PCNX2: variants seen among roughly 807,000 people sequenced by gnomAD.
PCNX2 encodes the protein pecanex 2.
In PCNX2, 168 loss-of-function variants were observed where a neutral mutation model predicts 223.8. The ratio of observed to expected loss-of-function variants is 0.75; its 90% CI spans 0.66 to 0.85. PCNX2 has a LOEUF of 0.85. Ranked by LOEUF, PCNX2 falls within the 40% of genes least tolerant of loss-of-function variation. The probability of loss-of-function intolerance (pLI) is 0.00; values close to 1 mark genes in which losing one functional copy is unlikely to be tolerated. For synonymous variants in PCNX2, 1,006 were observed against 1,052.6 expected, an observed-to-expected ratio of 0.96 and a Z score of 0.86; for missense variants, 2,507 against 2,675.5, an observed-to-expected ratio of 0.94 and a Z score of 1.39.
the PCNX2 span, among the ~76,000 whole-genome samples, chr1:233,309,186 A>G: frequency 4.6e-5 from 7 of 152,350 alleles, no homozygotes; most frequent in East Asian, 1.3e-3. Flanking sequence ...TCACAATACA[A>G]AATTTGAAGT....
chr1:233,224,206 G>A (rs1205458063), intron 10 of PCNX2, among the ~76,000 whole-genome samples: 3 of 152,148 alleles, frequency 2.0e-5, no homozygotes, highest in Non-Finnish European at 4.4e-5. Context: ...TGACCTGATC[G>A]ACTAGATAAA....
chr1:233,052,250 T>G (rs1448742293), intron 25 of PCNX2, among the ~76,000 whole-genome samples: 1 of 152,234 alleles, frequency 6.6e-6, no homozygotes, highest in African/African-American at 2.4e-5. Flanking sequence ...TGCTAGAGAT[T>G]CTCATCCAAA....
At chr1:233,235,528 C>A (rs1209488754) in intron 9 of PCNX2, among the ~76,000 whole-genome samples, 1 of 152,142 alleles carries the variant, frequency 6.6e-6, no homozygotes, top group African/African-American at 2.4e-5. Flanking sequence ...ATGTGGTCAG[C>A]TAAAAGGTAA....
intron 1 of PCNX2, among the ~76,000 whole-genome samples, chr1:233,264,499 A>G (rs2103002563): frequency 6.6e-6 from 1 of 152,088 alleles, no homozygotes; most frequent in South Asian, 2.1e-4. Flanking sequence ...CTGTCCCTAA[A>G]ATGGAATAGC....
At chr1:233,070,576 A>G (rs371661861) in intron 23 of PCNX2, among the ~76,000 whole-genome samples, 1 of 152,136 alleles carries the variant, frequency 6.6e-6, no homozygotes, top group South Asian at 2.1e-4. Context: ...ATCAGTCAGT[A>G]TAAGCCACCA....
At chr1:233,323,281 T>A in the PCNX2 span, among the ~76,000 whole-genome samples, 1 of 152,214 alleles carries the variant, frequency 6.6e-6, no homozygotes, top group Non-Finnish European at 1.5e-5. Flanking sequence ...GGGGAAAGTG[T>A]TAATGTTTTT....
Position 233,295,646 on chromosome 1 carries a change from G to T in PCNX2, c.-168C>A. 1 of 745,592 alleles carries T rather than the reference G, an allele frequency of 1.3e-6. No homozygotes were observed. Among genetic ancestry groups the T allele is most frequent in the Non-Finnish European group, 1.8e-6 (1 of 542,138 alleles). The allele number at this position is 745,592 out of a possible 1,614,324, so 46.2% of individuals were successfully genotyped here. On this transcript the variant is annotated 5_prime_UTR_variant, in exon 1 of 34. Coordinates refer to ENST00000258229, the MANE Select transcript of PCNX2 (RefSeq NM_014801.4). The surrounding 1 kb of genome is among the most constrained non-coding windows in gnomAD (Gnocchi z 4.1). Reference sequence around the variant, plus strand: ...CCACCCCACGTTTGAAGCTGGAGCTGCTCTTCCGCCCGGACCCGCGAACCG... The same window carrying T: ...CCACCCCACGTTTGAAGCTGGAGCTTCTCTTCCGCCCGGACCCGCGAACCG...
At chr1:233,161,513 A>T in intron 17 of PCNX2, 150 bp from the exon 18 acceptor site, 2 of 654,334 alleles carry the variant, frequency 3.1e-6, no homozygotes, top group Non-Finnish European at 5.4e-6. Context: ...CACATACTGG[A>T]TGGGCTGTTC....
At chr1:233,022,609 G>GAA (rs1670932709) in intron 26 of PCNX2, among the ~76,000 whole-genome samples, 1 of 67,400 alleles carries the variant, frequency 1.5e-5, no homozygotes, top group Admixed American at 1.1e-4. Flanking sequence ...AGAGATGGGG[G>GAA]GGGAGTGGGA....
intron 21 of PCNX2, among the ~76,000 whole-genome samples, chr1:233,130,045 C>T (rs1487828515): frequency 6.6e-6 from 1 of 152,162 alleles, no homozygotes; most frequent in South Asian, 2.1e-4. Context: ...GACCACGAAC[C>T]CACCTGCAGG....
At chr1:233,116,653 G>A (rs747537474) in intron 21 of PCNX2, among the ~76,000 whole-genome samples, 3 of 152,106 alleles carry the variant, frequency 2.0e-5, no homozygotes, top group Non-Finnish European at 2.9e-5. Flanking sequence ...AGCTAAAGCA[G>A]TGCACAGAAG....
At chr1:233,257,846 T>C (rs1659818044) in intron 5 of PCNX2, among the ~76,000 whole-genome samples, 182 bp downstream of exon 5, 1 of 152,210 alleles carries the variant, frequency 6.6e-6, no homozygotes, top group Non-Finnish European at 1.5e-5. Context: ...AATATATGTA[T>C]ACATGTTCAT....
chr1:233,192,320 T>C (rs899356198), intron 15 of PCNX2, among the ~76,000 whole-genome samples: 2 of 152,142 alleles, frequency 1.3e-5, no homozygotes, highest in Non-Finnish European at 2.9e-5. Flanking sequence ...TGTTACCAAA[T>C]GGGAAGGTCA....
At chr1:233,099,024 C>T (rs1212118304) in intron 21 of PCNX2, among the ~76,000 whole-genome samples, 1 of 152,198 alleles carries the variant, frequency 6.6e-6, no homozygotes, top group Non-Finnish European at 1.5e-5. Flanking sequence ...CTGAAACTTA[C>T]CAAGTCCAGG....
At chr1:233,190,741 A>G (rs1680376916) in intron 15 of PCNX2, among the ~76,000 whole-genome samples, 1 of 152,218 alleles carries the variant, frequency 6.6e-6, no homozygotes, top group South Asian at 2.1e-4. Context: ...TCACAGAGTT[A>G]ACGGCGTGCT....
At position 233,258,468 on chromosome 1, in the gene PCNX2, T is replaced by C. The variant is rs767757748; in HGVS notation, c.1394A>G (p.Asn465Ser). The part of the protein sequence containing the change: ...PERLKTRVST[N>S]QCSGYGSGEG... ...CCCAGATCCGTAGCCAGAACACTGA[T>C]TGGTGGATACCCTCGTCTTCAGTCT... is the stretch of plus-strand genomic sequence containing the variant. Residue 465 changes from asparagine to serine, a missense_variant, in exon 5 of 34, where the codon AAT becomes AGT. Around this residue, in one of 3 missense-constraint regions of PCNX2, gnomAD observed 1,031 missense variants for 1,021.7 expected, o/e 1.01. Coordinates refer to ENST00000258229, the MANE Select transcript of PCNX2 (RefSeq NM_014801.4). The C allele has an allele frequency of 6.2e-6, 10 of 1,613,842 alleles. No homozygotes were observed. In the Admixed American group the frequency reaches 1.0e-4, roughly 16 times the overall value.
In PCNX2 at chr1:233,262,098, G is replaced by T; in HGVS notation, c.427C>A (p.Arg143Ser). The change falls in exon 3 of 34, where the codon CGC (arginine) becomes AGC (serine). Residue 143 changes from arginine (R) to serine (S), a missense_variant. Physicochemically the swap from Arg to Ser is moderately radical, Grantham distance 110. Around this residue, in one of 3 missense-constraint regions of PCNX2, gnomAD observed 1,031 missense variants for 1,021.7 expected, o/e 1.01. Coordinates refer to ENST00000258229, the MANE Select transcript of PCNX2 (RefSeq NM_014801.4). ...ATGCTTTGCCCTCTGGAGCTGCAGCGGAGGGGAGGCGTGGAGAGGTTTCGA... is the reference window on the plus strand; with the variant it reads ...ATGCTTTGCCCTCTGGAGCTGCAGCTGAGGGGAGGCGTGGAGAGGTTTCGA... Reference protein sequence around the residue: ...ASRNLSTPPLRCSSRGQSITS... With the variant: ...ASRNLSTPPLSCSSRGQSITS... 1 of 1,613,852 alleles carries T rather than the reference G, an allele frequency of 6.2e-7. No homozygotes were observed. The highest frequency in any genetic ancestry group is 8.5e-7 in the Non-Finnish European group (1 of 1,179,786).
intron 21 of PCNX2, among the ~76,000 whole-genome samples, chr1:233,132,484 T>A (rs868124092): frequency 6.6e-6 from 1 of 152,152 alleles, no homozygotes; most frequent in South Asian, 2.1e-4. Context: ...TGTGCTCCCA[T>A]AAATGAAAGC....
chr1:233,258,546 C>G lies in PCNX2; in HGVS notation c.1316G>C (p.Gly439Ala). 1 of 1,614,002 alleles carries G rather than the reference C, an allele frequency of 6.2e-7. No homozygotes were observed. The highest frequency in any genetic ancestry group is 8.5e-7 in the Non-Finnish European group (1 of 1,179,898). The change falls in exon 5 of 34, where the codon GGG becomes GCG. Residue 439 changes from glycine to alanine, a missense_variant. Around this residue, in one of 3 missense-constraint regions of PCNX2, gnomAD observed 1,031 missense variants for 1,021.7 expected, o/e 1.01. Transcript: ENST00000258229. ...PVITLDLPEG[G>A]GGGVPCPEGN... is the part of the protein sequence containing the mutation. ...TTCGGGACAGGGAACACCTCCTCCC[C>G]CACCCTCAGGCAGGTCCAGGGTGAT...
Sources: allele counts gnomAD v4.1 joint callset (sites outside exome capture counted in the v4.1 genomes callset), GRCh38; gene constraint gnomAD v4.1.1; regional missense constraint gnomAD v4.1.1; non-coding constraint Gnocchi (gnomAD v3.1); transcripts MANE v1.5; gene names NCBI Gene and HGNC (gene_info 2026-07-23, HGNC 2026-07-21).